SBK1: variants seen among roughly 807,000 people sequenced by gnomAD.
The protein encoded by SBK1 is serine/threonine-protein kinase SBK1.
In SBK1, 11 loss-of-function variants were observed where a neutral mutation model predicts 24.4. The observed-to-expected ratio is 0.45, with a 90% confidence interval of 0.28 to 0.75. The LOEUF (loss-of-function observed/expected upper bound fraction) is 0.75. Among genes scored for constraint, SBK1 ranks in the 30% least tolerant of loss-of-function variants. The probability of loss-of-function intolerance (pLI) is 0.12; values close to 1 mark genes in which losing one functional copy is unlikely to be tolerated. For missense variants in SBK1, 467 were observed against 620.5 expected, an observed-to-expected ratio of 0.75 and a Z score of 2.63; for synonymous variants, 308 against 284.4, an observed-to-expected ratio of 1.08 and a Z score of -0.83.
chr16:28,303,697 T>A (rs143499128), intron 1 of SBK1, among the ~76,000 whole-genome samples: 1 of 151,720 alleles, frequency 6.6e-6, no homozygotes. Context: ...AAAAAAAAAT[T>A]TGTAGAGATG....
At chr16:28,270,978 C>T (rs760107323) in intron 1 of SBK1, among the ~76,000 whole-genome samples, 24 of 152,034 alleles carry the variant, frequency 1.6e-4, no homozygotes, top group Non-Finnish European at 2.2e-4. Flanking sequence ...ATTCTCCTGC[C>T]TCAGCCTCCC....
At chr16:28,284,037 C>T (rs535521986) in intron 1 of SBK1, among the ~76,000 whole-genome samples, 11 of 152,332 alleles carry the variant, frequency 7.2e-5, no homozygotes, top group Admixed American at 2.6e-4. Flanking sequence ...GCGTGTTGTA[C>T]GCTGTCTCTG....
intron 1 of SBK1, among the ~76,000 whole-genome samples, chr16:28,282,648 G>GAAT (rs10618191): frequency 7.2e-5 from 11 of 152,216 alleles, no homozygotes; most frequent in East Asian, 3.9e-4. Flanking sequence ...ATGAATGAAT[G>GAAT]GAGTGCCTTG....
chr16:28,320,309 G>A lies in SBK1; in HGVS notation c.663G>A (p.Gln221=), dbSNP rs774112761. 4 of 1,591,506 alleles carry A rather than the reference G, an allele frequency of 2.5e-6. No individual in the cohort carries two copies. Among genetic ancestry groups the A allele is most frequent in the Non-Finnish European group, 3.4e-6 (4 of 1,175,298 alleles). ...CTTACACGGCGCCTGAGGTGTGCCAGGCGGGCCGCGCCGACGGGCTGGCGG... is the reference window on the plus strand; with the variant it reads ...CTTACACGGCGCCTGAGGTGTGCCAAGCGGGCCGCGCCGACGGGCTGGCGG... The part of the protein sequence containing the change: ...TIPYTAPEVC[Q]AGRADGLAVD... The change falls in exon 4 of 4, where the codon CAG becomes CAA. Residue 221 remains glutamine, a synonymous_variant. Transcript: ENST00000341901. The surrounding 1 kb of genome is among the most constrained non-coding windows in gnomAD (Gnocchi z 8.5).
At chr16:28,302,961 TG>T (rs57035524) in intron 1 of SBK1, among the ~76,000 whole-genome samples, 23 of 146,248 alleles carry the variant, frequency 1.6e-4, no homozygotes, top group South Asian at 4.4e-4. Flanking sequence ...GAGCAGGGCA[TG>T]GGGGGGGGTC....
In SBK1 at chr16:28,321,078, G is replaced by C; in HGVS notation, c.*157G>C. ...CCGGCACCTGGTCCGTCCCCGGCGG[G>C]CTGGTGAGGGGGCCACCAAAGACCC... On this transcript the variant is annotated 3_prime_UTR_variant, in exon 4 of 4. Coordinates refer to ENST00000341901, the MANE Select transcript of SBK1 (RefSeq NM_001024401.3). The C allele has an allele frequency of 1.5e-6, 1 of 681,538 alleles. No individual in the cohort carries two copies. The highest frequency in any genetic ancestry group is 2.0e-5 in the African/African-American group (1 of 50,870). 42.2% of individuals were successfully genotyped at this position (681,538 alleles called of 1,614,324 possible). A position where few individuals can be genotyped will look rare whatever the true frequency, so the allele number is the denominator to read the frequency against.
intron 1 of SBK1, among the ~76,000 whole-genome samples, chr16:28,295,858 G>A (rs979736102): frequency 3.3e-5 from 5 of 151,274 alleles, no homozygotes; most frequent in South Asian, 2.1e-4. Context: ...GCAGCCGTTC[G>A]CTCCCTTAGG....
At chr16:28,260,439 A>G (rs2044390707) in intron 1 of SBK1, among the ~76,000 whole-genome samples, 2 of 152,174 alleles carry the variant, frequency 1.3e-5, no homozygotes, top group Admixed American at 6.5e-5. Context: ...CTGTGCCTCC[A>G]TCACTGTCTG....
intron 1 of SBK1, among the ~76,000 whole-genome samples, chr16:28,311,447 A>T (rs2044754470): frequency 1.3e-5 from 2 of 152,148 alleles, no homozygotes; most frequent in African/African-American, 4.8e-5. Flanking sequence ...AGCCTTAGAG[A>T]GGCCAGGGGT....
chr16:28,266,780 A>G (rs911197665), intron 1 of SBK1, among the ~76,000 whole-genome samples: 1 of 143,342 alleles, frequency 7.0e-6, no homozygotes, highest in Non-Finnish European at 1.5e-5. Context: ...CTTGCTCTGT[A>G]GCCCAGGCAG....
At chr16:28,261,530 T>C (rs2044397863) in intron 1 of SBK1, among the ~76,000 whole-genome samples, 1 of 151,134 alleles carries the variant, frequency 6.6e-6, no homozygotes. Flanking sequence ...TTCCAGGGGC[T>C]GAAGCAAGAG....
rs1187442805 is a variant in SBK1 at position 28,322,612 on chromosome 16, T to TCCAGTTACAAACA, written c.*1691_*1692insCCAGTTACAAACA. On this transcript the variant is annotated 3_prime_UTR_variant, in exon 4 of 4. Coordinates refer to ENST00000341901, the MANE Select transcript of SBK1 (RefSeq NM_001024401.3). ...GGTCCAGTTTACAAACAGTGTGGGG[T>TCCAGTTACAAACA]GGCCCCAGGGCCTGGCCCCACTCTC... is the stretch of plus-strand genomic sequence containing the variant. 1 of 152,988 alleles carries TCCAGTTACAAACA rather than the reference T, an allele frequency of 6.5e-6. No homozygotes were observed. Among genetic ancestry groups the TCCAGTTACAAACA allele is most frequent in the Non-Finnish European group, 1.5e-5 (1 of 68,288 alleles). The allele number at this position is 152,988 out of a possible 1,614,324, so 9.5% of individuals were successfully genotyped here.
chr16:28,307,111 C>A (rs868703455), intron 1 of SBK1, among the ~76,000 whole-genome samples: 1 of 152,102 alleles, frequency 6.6e-6, no homozygotes, highest in African/African-American at 2.4e-5. Flanking sequence ...TAACAGCGGC[C>A]GCTGTGAACA....
rs374000144 is a variant in SBK1 at position 28,269,614 on chromosome 16, T to C, written c.257+10112T>C. Among the ~76,000 whole-genome samples, 66 of 149,966 alleles carry C rather than the reference T, an allele frequency of 4.4e-4. No individual in the cohort carries two copies. The East Asian group carries it at 6.2e-3, about 14-fold the overall frequency. On this transcript the variant is annotated intron_variant, in intron 1 of 3. Coordinates refer to the SBK1 transcript ENST00000671413. ...TGGGTGTGGTGGCTCATGCCTGTAA[T>C]CCCAGCACTTTGGGAGGCCGAGGCA...
chr16:28,273,591 C>G (rs1002008756), intron 1 of SBK1, among the ~76,000 whole-genome samples: 6 of 151,988 alleles, frequency 3.9e-5, no homozygotes, highest in Non-Finnish European at 7.4e-5. Context: ...TTGATGTAGT[C>G]CCACTTGTCC....
intron 1 of SBK1, among the ~76,000 whole-genome samples, chr16:28,315,726 C>G (rs1304508310): frequency 6.6e-6 from 1 of 152,126 alleles, no homozygotes; most frequent in Non-Finnish European, 1.5e-5. Context: ...ATCCTACTGC[C>G]CTTCAGCCTG....
chr16:28,299,553 A>T (rs2044664660), intron 1 of SBK1, among the ~76,000 whole-genome samples: 2 of 152,140 alleles, frequency 1.3e-5, no homozygotes. Flanking sequence ...ACACGGGGCC[A>T]TGGCAGTGAG....
chr16:28,308,970 T>C (rs927074717), intron 1 of SBK1, among the ~76,000 whole-genome samples: 12 of 152,230 alleles, frequency 7.9e-5, no homozygotes, highest in African/African-American at 2.9e-4. Flanking sequence ...TTCTGCTTAC[T>C]TGCTGCATAA....
In SBK1 at chr16:28,320,226, G is replaced by A; in HGVS notation, c.580G>A (p.Asp194Asn). ...CGAGTGCCGCCGCGTAAAGCTGGCCGACTTCGGCATGACGCGCCGCGTGGG... is the reference window on the plus strand; with the variant it reads ...CGAGTGCCGCCGCGTAAAGCTGGCCAACTTCGGCATGACGCGCCGCGTGGG... The part of the protein sequence containing the change: ...DRECRRVKLA[D>N]FGMTRRVGCR... The change falls in exon 4 of 4, where the codon GAC (aspartate) becomes AAC (asparagine). Residue 194 changes from aspartate (D) to asparagine (N), a missense_variant. Physicochemically the swap from Asp to Asn is conservative, Grantham distance 23. This residue lies in a region of SBK1 where 92 missense variants were observed against 193.8 expected (regional missense o/e 0.47). Coordinates refer to ENST00000341901, the MANE Select transcript of SBK1 (RefSeq NM_001024401.3). This position sits in a 1 kb window ranked among gnomAD's most constrained non-coding sequence, Gnocchi z 8.5. The A allele has an allele frequency of 6.3e-7, 1 of 1,594,066 alleles. No homozygotes were observed. The highest frequency in any genetic ancestry group is 8.5e-7 in the Non-Finnish European group (1 of 1,175,574).
Sources: allele counts gnomAD v4.1 joint callset (sites outside exome capture counted in the v4.1 genomes callset), GRCh38; gene constraint gnomAD v4.1.1; regional missense constraint gnomAD v4.1.1; non-coding constraint Gnocchi (gnomAD v3.1); transcripts MANE v1.5; gene names NCBI Gene and HGNC (gene_info 2026-07-23, HGNC 2026-07-21).